The following USH2A variants were observed in gnomAD, a reference collection of about 807,000 sequenced individuals.
USH2A encodes usherin.
USH2A carries 443 observed loss-of-function variants against 538.9 expected under a neutral mutation model. The observed-to-expected ratio is 0.82, with a 90% CI of 0.76 to 0.89. The LOEUF (loss-of-function observed/expected upper bound fraction) is 0.89. Among genes scored for constraint, USH2A ranks in the 40% least tolerant of loss-of-function variants. The pLI is 0.00. For missense variants in USH2A, 6,633 were observed against 6,324.8 expected (o/e 1.05, Z -1.65); for synonymous variants, 2,413 against 2,273.5 (o/e 1.06, Z -1.75).
At chr1:215,718,401 T>G (rs759687560) in intron 61 of USH2A, among the ~76,000 whole-genome samples, 1 of 152,218 alleles carries the variant, frequency 6.6e-6, no homozygotes, top group Non-Finnish European at 1.5e-5. Context: ...TCACAATTGT[T>G]TGGCCCAATC....
chr1:215,963,232 T>C (rs1053602452), intron 37 of USH2A, among the ~76,000 whole-genome samples: 37 of 152,234 alleles, frequency 2.4e-4, no homozygotes, highest in South Asian at 1.2e-3. Flanking sequence ...TTTGTTCTTG[T>C]AGAGCCATGC....
At chr1:216,300,227 C>G (rs2037187396) in intron 9 of USH2A, among the ~76,000 whole-genome samples, 1 of 152,174 alleles carries the variant, frequency 6.6e-6, no homozygotes, top group South Asian at 2.1e-4. Flanking sequence ...AAATCAAGAA[C>G]TCTGTGTGTA....
chr1:215,745,710 C>T (rs1249584592), intron 58 of USH2A, among the ~76,000 whole-genome samples: 1 of 152,116 alleles, frequency 6.6e-6, no homozygotes, highest in Non-Finnish European at 1.5e-5. Context: ...ATTGGAGAAG[C>T]AAGGACTTGA....
chr1:215,706,299 C>T (rs971135339), intron 61 of USH2A, among the ~76,000 whole-genome samples: 3 of 152,142 alleles, frequency 2.0e-5, no homozygotes, highest in Non-Finnish European at 4.4e-5. Context: ...CTTACATCTT[C>T]CTTTCAGGGA....
At chr1:216,138,055 C>T (rs1241271945) in intron 21 of USH2A, among the ~76,000 whole-genome samples, 34 of 151,116 alleles carry the variant, frequency 2.2e-4, no homozygotes, top group Non-Finnish European at 1.5e-5. Context: ...AAATAATGTC[C>T]CAAAACAATT....
chr1:216,321,769 A>G (rs2037614294), intron 9 of USH2A, 114 bp downstream of exon 9: 7 of 922,896 alleles, frequency 7.6e-6, no homozygotes, highest in Non-Finnish European at 1.2e-5. Context: ...TTTTAAGTTC[A>G]TATCAGTTTT....
chr1:216,375,735 C>T (rs538214463), intron 3 of USH2A, among the ~76,000 whole-genome samples: 2 of 152,122 alleles, frequency 1.3e-5, no homozygotes, highest in South Asian at 4.1e-4. Flanking sequence ...TAGCTTTCAA[C>T]CTGTCAACTT....
intron 3 of USH2A, among the ~76,000 whole-genome samples, chr1:216,385,286 C>T (rs995353085): frequency 1.3e-5 from 2 of 152,058 alleles, no homozygotes; most frequent in Non-Finnish European, 2.9e-5. Flanking sequence ...AAAGGGGTCC[C>T]TAAAGGGAAA....
chr1:216,291,393 A>T (rs2036998589), intron 10 of USH2A, among the ~76,000 whole-genome samples: 1 of 152,162 alleles, frequency 6.6e-6, no homozygotes, highest in Non-Finnish European at 1.5e-5. Flanking sequence ...ATCATCAGAC[A>T]ACTTTGTAAT....
chr1:216,048,023 AG>A (rs1448047797), intron 31 of USH2A, among the ~76,000 whole-genome samples: 4 of 152,334 alleles, frequency 2.6e-5, no homozygotes, highest in Admixed American at 6.5e-5. Context: ...TTAAGTTGGA[AG>A]GAACTAAGCA....
At chr1:216,060,445 G>C (rs932301172) in intron 30 of USH2A, among the ~76,000 whole-genome samples, 2 of 152,134 alleles carry the variant, frequency 1.3e-5, no homozygotes, top group Admixed American at 6.5e-5. Flanking sequence ...AACAATTTTA[G>C]TGGCAAAAGC....
intron 18 of USH2A, 26 bp downstream of exon 18, chr1:216,198,289 G>A (rs779767970): frequency 3.1e-6 from 5 of 1,613,464 alleles, no homozygotes; most frequent in Non-Finnish European, 3.4e-6. Flanking sequence ...GGTTTTAAAA[G>A]TAGAATTTAA....
At chr1:216,026,558 G>A (rs111343093) in intron 32 of USH2A, among the ~76,000 whole-genome samples, 1 of 152,056 alleles carries the variant, frequency 6.6e-6, no homozygotes. Context: ...TACCAGTCTG[G>A]CATTCTGATA....
chr1:216,029,982 A>ATAATATAT (rs2102509861), intron 32 of USH2A, among the ~76,000 whole-genome samples: 1 of 148,572 alleles, frequency 6.7e-6, no homozygotes, highest in African/African-American at 2.5e-5. Context: ...AGAGAGATAT[A>ATAATATAT]GATATATCAT....
chr1:215,893,279 T>C (rs909536995), intron 40 of USH2A, among the ~76,000 whole-genome samples: 18 of 152,332 alleles, frequency 1.2e-4, no homozygotes, highest in African/African-American at 4.3e-4. Context: ...AGAAAATGAT[T>C]ATGGTAAACA....
At chr1:216,159,907 A>G (rs562888383) in intron 21 of USH2A, among the ~76,000 whole-genome samples, 340 of 152,180 alleles carry the variant, frequency 2.2e-3, no homozygotes, top group African/African-American at 7.7e-3. Flanking sequence ...TCTCCCATGC[A>G]AAGGATCTCT....
chr1:216,132,689 T>C (rs760054529), intron 21 of USH2A, among the ~76,000 whole-genome samples: 2 of 152,120 alleles, frequency 1.3e-5, no homozygotes, highest in Non-Finnish European at 2.9e-5. Context: ...ACTTTCTATA[T>C]ACAGCTGGTG....
At chr1:216,352,546 A>G (rs989732637) in intron 4 of USH2A, among the ~76,000 whole-genome samples, 2 of 152,148 alleles carry the variant, frequency 1.3e-5, no homozygotes, top group African/African-American at 4.8e-5. Context: ...AAAGGCTCCT[A>G]TGGTTGAATA....
chr1:216,039,247 T>C (rs2030154240), intron 32 of USH2A, among the ~76,000 whole-genome samples: 2 of 152,048 alleles, frequency 1.3e-5, no homozygotes, highest in Admixed American at 1.3e-4. Context: ...GAACAACTAT[T>C]CTGGAGTCTC....
Sources: allele counts gnomAD v4.1 joint callset (sites outside exome capture counted in the v4.1 genomes callset), GRCh38; gene constraint gnomAD v4.1.1; transcripts MANE v1.5; gene names NCBI Gene and HGNC (gene_info 2026-07-23, HGNC 2026-07-21).